SLC14A2: variants seen among roughly 807,000 people sequenced by gnomAD.
The protein encoded by SLC14A2 is solute carrier family 14 member 2, also known as urea transporter 2.
In SLC14A2, 91 loss-of-function variants were observed where a neutral mutation model predicts 104.6. The ratio of observed to expected loss-of-function variants is 0.87; its 90% CI spans 0.73 to 1.04. The LOEUF (loss-of-function observed/expected upper bound fraction) is 1.04. Ranked by LOEUF, SLC14A2 falls within the 50% of genes least tolerant of loss-of-function variation. SLC14A2 has a pLI of 0.00. For missense variants in SLC14A2, 1,189 were observed against 1,156.0 expected (o/e 1.03, Z -0.41); for synonymous variants, 476 against 466.4 (o/e 1.02, Z -0.27).
chr18:45,529,590 C>A (rs1439629452), intron 2 of SLC14A2: 3 of 152,110 alleles, frequency 2.0e-5, no homozygotes, highest in Admixed American at 2.0e-4. Flanking sequence ...ATTTCAATCC[C>A]CAGTTTTTTC....
At chr18:45,610,264 G>A (rs1163244198) in intron 2 of SLC14A2, among the ~76,000 whole-genome samples, 1 of 152,148 alleles carries the variant, frequency 6.6e-6, no homozygotes, top group Non-Finnish European at 1.5e-5. Context: ...CCCAGGTGAA[G>A]CTGATGCTGA....
intron 2 of SLC14A2, among the ~76,000 whole-genome samples, chr18:45,498,847 T>G (rs1403932504): frequency 1.3e-5 from 2 of 152,234 alleles, no homozygotes; most frequent in African/African-American, 4.8e-5. Context: ...CTGCACTCAC[T>G]GTCTCTCCTT....
intron 1 of SLC14A2, among the ~76,000 whole-genome samples, chr18:45,408,285 A>T (rs1037992084): frequency 6.6e-6 from 1 of 152,220 alleles, no homozygotes; most frequent in East Asian, 1.9e-4. Context: ...AAAGAAAAGC[A>T]TTCAAAATAT....
rs1342853674 is a variant in SLC14A2, at chr18:45,221,017, G to A, written c.-125+7826G>A. Among the ~76,000 whole-genome samples, 3 of 152,174 alleles carry A rather than the reference G, an allele frequency of 2.0e-5. No homozygotes were observed. The South Asian group carries it at 6.2e-4, about 31-fold the overall frequency. ...CATATTGGATTAGGGACCATCACAA[G>A]AGTCTCATTTCAATTGAATCACCAC... On this transcript the variant is annotated intron_variant, in intron 1 of 20. Coordinates refer to the SLC14A2 transcript ENST00000586448.
chr18:45,455,637 C>CATA (rs141156069), intron 1 of SLC14A2, among the ~76,000 whole-genome samples: 35,754 of 148,848 alleles, frequency 0.24, 4,427 homozygotes, highest in South Asian at 0.39. Flanking sequence ...GAACTTAAAG[C>CATA]ATAATAATAA....
chr18:45,350,340 C>T (rs542598963), intron 1 of SLC14A2, among the ~76,000 whole-genome samples: 1 of 152,268 alleles, frequency 6.6e-6, no homozygotes, highest in Admixed American at 6.5e-5. Flanking sequence ...CTGAGAACAC[C>T]CCCATGGCTC....
At chr18:45,404,006 A>G (rs2144463978) in intron 1 of SLC14A2, among the ~76,000 whole-genome samples, 1 of 152,278 alleles carries the variant, frequency 6.6e-6, no homozygotes, top group Middle Eastern at 3.4e-3. Flanking sequence ...AAGCTTTTCC[A>G]TGCATTTGTG....
At chr18:45,477,188 G>A (rs1196082540) in intron 1 of SLC14A2, among the ~76,000 whole-genome samples, 1 of 152,180 alleles carries the variant, frequency 6.6e-6, no homozygotes, top group African/African-American at 2.4e-5. Context: ...TTTTGTTGAT[G>A]ATGATGCTAT....
chr18:45,629,167 G>A (rs575339890), intron 4 of SLC14A2, among the ~76,000 whole-genome samples: 79 of 152,344 alleles, frequency 5.2e-4, no homozygotes, highest in African/African-American at 1.8e-3. Flanking sequence ...ACCAACGTCA[G>A]GCCCAGCCGA....
intron 1 of SLC14A2, among the ~76,000 whole-genome samples, chr18:45,263,897 G>T (rs1448674584): frequency 6.6e-6 from 1 of 152,134 alleles, no homozygotes; most frequent in Admixed American, 6.5e-5. Flanking sequence ...AATGAACGAG[G>T]TCTCCTTTTA....
rs563797945 is a variant in SLC14A2 at position 45,432,088 on chromosome 18, G to A, written c.-124-51145G>A. On this transcript the variant is annotated intron_variant, in intron 1 of 20. Transcript: ENST00000586448. ...CATTCCCCCAGCAAGACAATGCCTC[G>A]TTTGAATATTTGTTCTTAGTCACTA... Among the ~76,000 whole-genome samples, 8 of 152,268 alleles carry A rather than the reference G, an allele frequency of 5.3e-5. No homozygotes were observed. In the South Asian group the frequency reaches 8.3e-4, roughly 16 times the overall value.
intron 6 of SLC14A2, among the ~76,000 whole-genome samples, chr18:45,638,694 G>A (rs907814713): frequency 2.0e-5 from 3 of 152,164 alleles, no homozygotes; most frequent in East Asian, 1.9e-4. Flanking sequence ...AAGCACCTAT[G>A]GTGTACCTGG....
chr18:45,206,459 C>A, the SLC14A2 span, among the ~76,000 whole-genome samples: 1 of 151,946 alleles, frequency 6.6e-6, no homozygotes. Flanking sequence ...AGATACTTGG[C>A]CTAAAAACGA....
At chr18:45,489,466 G>A (rs1263415987) in intron 2 of SLC14A2, among the ~76,000 whole-genome samples, 3 of 151,988 alleles carry the variant, frequency 2.0e-5, no homozygotes, top group African/African-American at 7.3e-5. Context: ...AGCCGAGATC[G>A]TACCACTGCA....
chr18:45,543,141 G>A (rs2043915839), intron 2 of SLC14A2, among the ~76,000 whole-genome samples: 1 of 151,774 alleles, frequency 6.6e-6, no homozygotes, highest in Non-Finnish European at 1.5e-5. Context: ...TAGAGATGGG[G>A]TTTCACCATG....
At chr18:45,365,613 A>G (rs2085658456) in intron 1 of SLC14A2, among the ~76,000 whole-genome samples, 1 of 152,182 alleles carries the variant, frequency 6.6e-6, no homozygotes, top group South Asian at 2.1e-4. Context: ...GAGATTTCGT[A>G]TCATGCCCAG....
chr18:45,673,761 T>C lies in SLC14A2; in HGVS notation c.2456T>C (p.Ile819Thr). Residue 819 changes from isoleucine to threonine, a missense_variant, in exon 18 of 20, where the codon ATA becomes ACA. Ile to Thr is a moderately conservative substitution (Grantham distance 89). Coordinates refer to ENST00000255226, the MANE Select transcript of SLC14A2 (RefSeq NM_007163.4). ...AACAGCACCCTCGCATGCATAGCGA[T>C]AGGAGGCATGTTCTACGTCATCACC... ...GFNSTLACIA[I>T]GGMFYVITWQ... 1.2e-6 allele frequency: 2 copies of C among 1,614,188 alleles called. No homozygotes were observed. The highest frequency in any genetic ancestry group is 2.7e-5 in the African/African-American group (2 of 75,052).
intron 15 of SLC14A2, among the ~76,000 whole-genome samples, chr18:45,669,034 A>G (rs1419082998): frequency 6.6e-6 from 1 of 152,234 alleles, no homozygotes; most frequent in East Asian, 1.9e-4. Context: ...CCCCAACCTG[A>G]TGCCTGGGGA....
chr18:45,338,057 A>G (rs1352776478), intron 1 of SLC14A2, among the ~76,000 whole-genome samples: 1 of 152,156 alleles, frequency 6.6e-6, no homozygotes, highest in African/African-American at 2.4e-5. Flanking sequence ...TACCTCAAGC[A>G]TTTCCTTCTA....
Sources: gnomAD v4.1 joint callset for allele counts (sites outside exome capture counted in the v4.1 genomes callset) on GRCh38, gnomAD v4.1.1 for gene constraint, MANE v1.5 for transcripts, NCBI Gene and HGNC (gene_info 2026-07-23, HGNC 2026-07-21) for gene names.